Variants in THRB observed in about 807,000 individuals in gnomAD.
THRB encodes nuclear receptor subfamily 1 group A member 2.
THRB carries 12 observed loss-of-function variants against 47.8 expected under a neutral mutation model. The observed-to-expected ratio is 0.25, with a 90% confidence interval of 0.16 to 0.41. The LOEUF is 0.41. THRB is among the 10% of genes least tolerant of loss of function. The pLI is 1.00. For synonymous variants in THRB, 218 were observed against 212.2 expected (o/e 1.03, Z -0.24); for missense variants, 348 against 589.2 (o/e 0.59, Z 4.24).
In THRB at chr3:24,240,376, C is replaced by T. The variant is rs567779320; in HGVS notation, c.-42-11375G>A. 1.2e-3 allele frequency among the ~76,000 whole-genome samples: 178 copies of T among 152,114 alleles called. 1 individual carries two copies. The highest frequency in any genetic ancestry group is 4.1e-3 in the African/African-American group (172 of 41,474). On this transcript the variant is annotated intron_variant, in intron 3 of 10. Transcript: ENST00000646209. ...CCCGCGTCAAATGGGGAGGCTGTGACGAAGAATCTAAAAAGTAAAAGAACA... is the reference window on the plus strand; with the variant it reads ...CCCGCGTCAAATGGGGAGGCTGTGATGAAGAATCTAAAAAGTAAAAGAACA...
intron 1 of THRB, among the ~76,000 whole-genome samples, chr3:24,339,151 C>T (rs545604123): frequency 6.6e-6 from 1 of 151,958 alleles, no homozygotes; most frequent in Non-Finnish European, 1.5e-5. Flanking sequence ...ATTTTGGATG[C>T]AAAAATTGGA....
At chr3:24,193,449 A>C (rs2043591636) in intron 4 of THRB, among the ~76,000 whole-genome samples, 1 of 152,206 alleles carries the variant, frequency 6.6e-6, no homozygotes, top group South Asian at 2.1e-4. Flanking sequence ...TAAGAAAATA[A>C]ATTAGTGACA....
At chr3:24,191,518 T>C (rs1018444705) in intron 4 of THRB, among the ~76,000 whole-genome samples, 2 of 152,216 alleles carry the variant, frequency 1.3e-5, no homozygotes, top group Non-Finnish European at 2.9e-5. Flanking sequence ...GAGACATGTC[T>C]ATCCTGACCT....
At chr3:24,188,522 A>G (rs773425264) in intron 5 of THRB, among the ~76,000 whole-genome samples, 1 of 152,150 alleles carries the variant, frequency 6.6e-6, no homozygotes, top group African/African-American at 2.4e-5. Context: ...AGAGACATAG[A>G]TGGACTCTAT....
chr3:24,311,418 C>T (rs930610031), intron 2 of THRB, among the ~76,000 whole-genome samples: 1 of 152,200 alleles, frequency 6.6e-6, no homozygotes, highest in Non-Finnish European at 1.5e-5. Flanking sequence ...TCTCGTCTCT[C>T]CTCTCCATCT....
chr3:24,460,037 A>G (rs1424328278), intron 1 of THRB, among the ~76,000 whole-genome samples: 2 of 152,160 alleles, frequency 1.3e-5, no homozygotes, highest in Non-Finnish European at 2.9e-5. Context: ...GGCAGTGCCT[A>G]ATGTTTTACC....
intron 1 of THRB, among the ~76,000 whole-genome samples, chr3:24,490,071 T>C (rs1422552428): frequency 6.6e-6 from 1 of 152,142 alleles, no homozygotes; most frequent in Non-Finnish European, 1.5e-5. Context: ...CTCCAACAGG[T>C]ATACTCATCT....
intron 1 of THRB, among the ~76,000 whole-genome samples, chr3:24,440,745 A>G (rs2071443978): frequency 6.6e-6 from 1 of 152,128 alleles, no homozygotes; most frequent in African/African-American, 2.4e-5. Context: ...AGGGGGTGAA[A>G]GGGATGATGA....
In THRB at chr3:24,446,543, A is replaced by G. The variant is rs199558405; in HGVS notation, c.-261+48109T>C. ...AATTGTCATTCCATACACTATCTAC[A>G]TTGGAAAGATCTTTCTCAAAAAAAA... is the stretch of plus-strand genomic sequence containing the variant. On this transcript the variant is annotated intron_variant, in intron 1 of 10. Coordinates refer to ENST00000646209, the MANE Select transcript of THRB (RefSeq NM_001354712.2). 2.8e-5 allele frequency among the ~76,000 whole-genome samples: 4 copies of G among 144,390 alleles called. No homozygotes were observed. The East Asian group carries it at 8.0e-4, about 29-fold the overall frequency. 94.7% of individuals were successfully genotyped at this position (144,390 alleles called of 152,430 possible).
intron 3 of THRB, among the ~76,000 whole-genome samples, chr3:24,253,971 A>G (rs558535908): frequency 2.0e-5 from 3 of 150,330 alleles, no homozygotes; most frequent in Non-Finnish European, 4.4e-5. Flanking sequence ...TTTTCTTACC[A>G]CACAAGGAAA....
Position 24,216,057 on chromosome 3 carries a change from C to T in THRB, c.22+12881G>A, listed in dbSNP as rs62253696. 5.6e-3 allele frequency among the ~76,000 whole-genome samples: 858 copies of T among 152,138 alleles called. 8 individuals carry two copies. Among genetic ancestry groups the T allele is most frequent in the South Asian group, 0.042 (202 of 4,828 alleles). ...TGGAGAGCATTATTTTGCTAATAGA[C>T]GCTTTACAATTCCAAATAGCTTGGC... On this transcript the variant is annotated intron_variant, in intron 4 of 10. Coordinates refer to ENST00000646209, the MANE Select transcript of THRB (RefSeq NM_001354712.2).
chr3:24,395,883 T>C (rs938294151), intron 1 of THRB, among the ~76,000 whole-genome samples: 4 of 152,122 alleles, frequency 2.6e-5, no homozygotes, highest in African/African-American at 7.2e-5. Context: ...AACTGGTGAA[T>C]GGGTAAACAA....
At chr3:24,370,738 G>C (rs1462699375) in intron 1 of THRB, among the ~76,000 whole-genome samples, 1 of 152,064 alleles carries the variant, frequency 6.6e-6, no homozygotes, top group Non-Finnish European at 1.5e-5. Context: ...TATCAATGCT[G>C]GCTTTACTTC....
chr3:24,479,268 C>G (rs1331493793), intron 1 of THRB, among the ~76,000 whole-genome samples: 5 of 152,218 alleles, frequency 3.3e-5, no homozygotes, highest in Non-Finnish European at 5.9e-5. Flanking sequence ...CGCCACCGCA[C>G]TCCAGTCTGG....
At chr3:24,283,304 A>G (rs1027664315) in intron 3 of THRB, among the ~76,000 whole-genome samples, 4 of 152,234 alleles carry the variant, frequency 2.6e-5, no homozygotes, top group African/African-American at 9.7e-5. Context: ...AACATAATCC[A>G]GCATATAAAC....
intron 5 of THRB, among the ~76,000 whole-genome samples, chr3:24,163,342 CT>C (rs1182129697): frequency 6.6e-6 from 1 of 152,168 alleles, no homozygotes; most frequent in Non-Finnish European, 1.5e-5. Context: ...TACAATGTGT[CT>C]TTTCCTTTAG....
chr3:24,367,267 A>C (rs1421062337), intron 1 of THRB, among the ~76,000 whole-genome samples: 3 of 152,206 alleles, frequency 2.0e-5, no homozygotes, highest in African/African-American at 7.2e-5. Flanking sequence ...AGATCGGGGA[A>C]GCCTTCAAAG....
At chr3:24,389,884 T>G (rs2066427279) in intron 1 of THRB, among the ~76,000 whole-genome samples, 1 of 152,160 alleles carries the variant, frequency 6.6e-6, no homozygotes, top group Non-Finnish European at 1.5e-5. Flanking sequence ...AGTCTTGAAG[T>G]GCCATAAATG....
intron 3 of THRB, among the ~76,000 whole-genome samples, chr3:24,255,050 A>T (rs1288975294): frequency 2.6e-5 from 4 of 152,170 alleles, no homozygotes; most frequent in Admixed American, 6.5e-5. Flanking sequence ...AGAATGGAAA[A>T]ATGGCACTGA....
Sources: allele counts gnomAD v4.1 joint callset (sites outside exome capture counted in the v4.1 genomes callset), GRCh38; gene constraint gnomAD v4.1.1; transcripts MANE v1.5; gene names NCBI Gene and HGNC (gene_info 2026-07-23, HGNC 2026-07-21).